Variants in PIAS1 observed in about 807,000 individuals in gnomAD.
PIAS1 encodes E3 SUMO-protein ligase PIAS1.
In PIAS1, 6 loss-of-function variants were observed where a neutral mutation model predicts 71.3. The observed-to-expected ratio is 0.08, with a 90% CI of 0.05 to 0.17. PIAS1 has a LOEUF of 0.17. Ranked by LOEUF, PIAS1 falls within the 10% of genes least tolerant of loss-of-function variation. The pLI is 1.00. For missense variants in PIAS1, 555 were observed against 793.6 expected (o/e 0.70, Z 3.61); for synonymous variants, 303 against 292.9 (o/e 1.03, Z -0.35).
At chr15:68,160,885 T>G (rs958646672) in intron 7 of PIAS1, among the ~76,000 whole-genome samples, 3 of 152,156 alleles carry the variant, frequency 2.0e-5, no homozygotes, top group African/African-American at 7.2e-5. Flanking sequence ...GCTTCACTCC[T>G]AAGATTGAGA....
intron 1 of PIAS1, among the ~76,000 whole-genome samples, chr15:68,073,366 AATAATTG>A (rs1337686690): frequency 1.2e-4 from 19 of 152,182 alleles, no homozygotes; most frequent in East Asian, 1.9e-4. Context: ...TATGGTTTGT[AATAATTG>A]ACAGGTGCCA....
chr15:68,098,065 T>C (rs1201083737), intron 2 of PIAS1, among the ~76,000 whole-genome samples: 2 of 152,208 alleles, frequency 1.3e-5, no homozygotes, highest in African/African-American at 2.4e-5. Context: ...ATTGTATACT[T>C]TTCTGCTAAC....
rs2092963573 is a variant in PIAS1 at position 68,167,265 on chromosome 15, A to G, written c.1008+2461A>G. ...CTTTCATGGGTTTCTATTTGGCTAA[A>G]GGGATAATCCCTTACAGTTATTCTG... is the stretch of plus-strand genomic sequence containing the variant. On this transcript the variant is annotated intron_variant, in intron 8 of 13. Coordinates refer to ENST00000249636, the MANE Select transcript of PIAS1 (RefSeq NM_016166.3). This position sits in a 1 kb window ranked among gnomAD's most constrained non-coding sequence, Gnocchi z 4.4. Among the ~76,000 whole-genome samples, 1 of 152,176 alleles carries G rather than the reference A, an allele frequency of 6.6e-6. No homozygotes were observed. The highest frequency in any genetic ancestry group is 2.1e-4 in the South Asian group (1 of 4,830).
At chr15:68,104,149 A>G (rs2092450846) in intron 2 of PIAS1, among the ~76,000 whole-genome samples, 2 of 152,180 alleles carry the variant, frequency 1.3e-5, no homozygotes, top group African/African-American at 4.8e-5. Context: ...GTGAAGTGAC[A>G]TCTCATTGTA....
At chr15:68,139,705 T>C (rs6494718) in intron 2 of PIAS1, among the ~76,000 whole-genome samples, 1,533 of 152,322 alleles carry the variant, frequency 0.01, 23 homozygotes, top group African/African-American at 0.034. Flanking sequence ...TATAACATTT[T>C]AGTTTTTTTA....
chr15:68,171,801 A>G lies in PIAS1; in HGVS notation c.1009-1931A>G, dbSNP rs1262529377. Reference sequence around the variant, plus strand: ...CCCAAATGACAGTTAATTTCCTGGTAGACTAGGAAATTTCACATTTCCCTG... The same window carrying G: ...CCCAAATGACAGTTAATTTCCTGGTGGACTAGGAAATTTCACATTTCCCTG... On this transcript the variant is annotated intron_variant, in intron 8 of 13. Coordinates refer to ENST00000249636, the MANE Select transcript of PIAS1 (RefSeq NM_016166.3). The surrounding 1 kb of genome is among the most constrained non-coding windows in gnomAD (Gnocchi z 4.4). 6.6e-6 allele frequency among the ~76,000 whole-genome samples: 1 copy of G among 152,170 alleles called. No individual in the cohort carries two copies. The highest frequency in any genetic ancestry group is 1.5e-5 in the Non-Finnish European group (1 of 68,028).
At chr15:68,169,590 T>C (rs1649684501) in intron 8 of PIAS1, among the ~76,000 whole-genome samples, 1 of 152,168 alleles carries the variant, frequency 6.6e-6, no homozygotes, top group African/African-American at 2.4e-5. Flanking sequence ...GGAGAATTGC[T>C]TGTGAGACTG....
chr15:68,163,463 TA>T (rs1355432651), intron 7 of PIAS1, among the ~76,000 whole-genome samples: 2 of 152,186 alleles, frequency 1.3e-5, no homozygotes, highest in East Asian at 3.8e-4. Flanking sequence ...CTGGAGCTTT[TA>T]AAAAACTACC....
At chr15:68,071,109 G>A (rs2092090557) in intron 1 of PIAS1, among the ~76,000 whole-genome samples, 1 of 152,122 alleles carries the variant, frequency 6.6e-6, no homozygotes, top group African/African-American at 2.4e-5. Context: ...TCCTTTGGGA[G>A]AGGGAGTGGA....
At position 68,173,230 on chromosome 15, in the gene PIAS1, C is replaced by T. The variant is rs1189246907; in HGVS notation, c.1009-502C>T. The stretch of plus-strand genomic sequence containing the variant: ...AAAAGCCGGGCACAGTGGTGTGCGC[C>T]TGTATCCCCAGCTACTCTGGAGGCT... On this transcript the variant is annotated intron_variant, in intron 8 of 13. Coordinates refer to ENST00000249636, the MANE Select transcript of PIAS1 (RefSeq NM_016166.3). This position sits in a 1 kb window ranked among gnomAD's most constrained non-coding sequence, Gnocchi z 4.3. 6.6e-6 allele frequency among the ~76,000 whole-genome samples: 1 copy of T among 152,126 alleles called. No homozygotes were observed. The highest frequency in any genetic ancestry group is 1.5e-5 in the Non-Finnish European group (1 of 68,018).
At chr15:68,161,314 G>A (rs902942549) in intron 7 of PIAS1, among the ~76,000 whole-genome samples, 3 of 152,134 alleles carry the variant, frequency 2.0e-5, no homozygotes, top group Non-Finnish European at 4.4e-5. Flanking sequence ...CTGCATAAAC[G>A]GAGAGATATA....
chr15:68,158,263 G>A (rs2092904019), intron 7 of PIAS1, among the ~76,000 whole-genome samples: 1 of 151,972 alleles, frequency 6.6e-6, no homozygotes, highest in Non-Finnish European at 1.5e-5. Context: ...ACTTTCCAGG[G>A]TCGCCTGTAT....
intron 2 of PIAS1, among the ~76,000 whole-genome samples, chr15:68,120,045 C>T (rs1210056535): frequency 2.6e-5 from 4 of 152,214 alleles, no homozygotes; most frequent in South Asian, 2.1e-4. Flanking sequence ...TGGGCTGAAG[C>T]GATCCTTCTG....
chr15:68,106,698 G>A (rs1235284922), intron 2 of PIAS1, among the ~76,000 whole-genome samples: 1 of 152,072 alleles, frequency 6.6e-6, no homozygotes, highest in East Asian at 1.9e-4. Flanking sequence ...ATCCCCTCCA[G>A]TTTCCTCCTA....
chr15:68,181,366 G>T lies in PIAS1; in HGVS notation c.1624+12G>T. The T allele has an allele frequency of 6.2e-7, 1 of 1,611,870 alleles. No homozygotes were observed. Among genetic ancestry groups the T allele is most frequent in the Non-Finnish European group, 8.5e-7 (1 of 1,178,220 alleles). ...TTACGACTTACAAGGTGAGTCACTG[G>T]TTCTTCTACATTGTCACATAGCATT... On this transcript the variant is annotated intron_variant, in intron 12 of 13. Transcript: ENST00000249636.
At chr15:68,146,138 T>C (rs1156435013) in intron 5 of PIAS1, among the ~76,000 whole-genome samples, 4 of 152,080 alleles carry the variant, frequency 2.6e-5, no homozygotes, top group African/African-American at 2.4e-5. Context: ...TTGTACTGGA[T>C]TTTGGGGCGA....
At chr15:68,159,818 T>C (rs747920950) in intron 7 of PIAS1, among the ~76,000 whole-genome samples, 11 of 152,168 alleles carry the variant, frequency 7.2e-5, no homozygotes, top group Admixed American at 4.6e-4. Context: ...TGTAGACATA[T>C]GTTTTCATTT....
intron 7 of PIAS1, among the ~76,000 whole-genome samples, chr15:68,159,804 G>A (rs560454908): frequency 1.3e-5 from 2 of 152,204 alleles, no homozygotes; most frequent in African/African-American, 2.4e-5. Flanking sequence ...GGATACCTCA[G>A]TTTTGTAGAC....
intron 4 of PIAS1, among the ~76,000 whole-genome samples, chr15:68,143,528 G>A (rs947852008): frequency 6.6e-6 from 1 of 152,104 alleles, no homozygotes; most frequent in Non-Finnish European, 1.5e-5. Context: ...GATAATCTAA[G>A]TTTCAGTTTT....
Sources: gnomAD v4.1 joint callset for allele counts (sites outside exome capture counted in the v4.1 genomes callset) on GRCh38, gnomAD v4.1.1 for gene constraint, Gnocchi (gnomAD v3.1) non-coding constraint, MANE v1.5 for transcripts, NCBI Gene and HGNC (gene_info 2026-07-23, HGNC 2026-07-21) for gene names.